Variants in PPFIBP1 observed in about 807,000 individuals in gnomAD.
The protein encoded by PPFIBP1 is liprin-beta-1.
Under a neutral mutation model 137.8 loss-of-function variants are expected in PPFIBP1, and 112 were observed. The observed-to-expected ratio is 0.81, with a 90% CI of 0.70 to 0.95. PPFIBP1 has a LOEUF of 0.95. PPFIBP1 is among the 40% of genes least tolerant of loss of function. PPFIBP1 has a pLI of 0.00. For missense variants in PPFIBP1, 1,083 were observed against 1,196.6 expected, an observed-to-expected ratio of 0.91 and a Z score of 1.40; for synonymous variants, 378 against 417.3, an observed-to-expected ratio of 0.91 and a Z score of 1.15.
intron 13 of PPFIBP1, among the ~76,000 whole-genome samples, chr12:27,671,122 G>GCC: frequency 6.6e-6 from 1 of 151,796 alleles, no homozygotes; most frequent in South Asian, 2.1e-4. Context: ...GGGCAACATA[G>GCC]CAAGACGCCG....
chr12:27,673,807 A>G lies in PPFIBP1; in HGVS notation c.1360A>G (p.Lys454Glu), dbSNP rs777816560. 6.2e-7 allele frequency: 1 copy of G among 1,613,696 alleles called. No individual in the cohort carries two copies. The highest frequency in any genetic ancestry group is 1.7e-5 in the Admixed American group (1 of 59,998). ...LQKSSSLGNL[K>E]KETSDGEKET... Reference sequence around the variant, plus strand: ...GAAGTCCAGCAGCCTGGGCAATCTGAAGAAAGAGACATCTGATGGGGTGGG... The same window carrying G: ...GAAGTCCAGCAGCCTGGGCAATCTGGAGAAAGAGACATCTGATGGGGTGGG... The change falls in exon 16 of 30, where the codon AAG becomes GAG. Residue 454 changes from lysine to glutamate, a missense_variant. Coordinates refer to ENST00000228425, the MANE Select transcript of PPFIBP1 (RefSeq NM_003622.4).
intron 6 of PPFIBP1, 200 bp downstream of exon 6, chr12:27,648,042 G>C (rs1565937033): frequency 1.7e-6 from 1 of 594,978 alleles, no homozygotes; most frequent in Non-Finnish European, 2.5e-6. Flanking sequence ...TTAGAATCTG[G>C]AACAAAATGT....
At chr12:27,556,534 G>C (rs565273932) in intron 1 of PPFIBP1, among the ~76,000 whole-genome samples, 1 of 152,168 alleles carries the variant, frequency 6.6e-6, no homozygotes, top group Admixed American at 6.5e-5. Flanking sequence ...ATAGGAATTA[G>C]GAATTCATGA....
Position 27,558,667 on chromosome 12 carries a change from G to A in PPFIBP1, c.-123-19485G>A, listed in dbSNP as rs139538906. Among the ~76,000 whole-genome samples, 269 of 151,838 alleles carry A rather than the reference G, an allele frequency of 1.8e-3. 3 individuals are homozygous for A. The South Asian group carries it at 0.033, about 18-fold the overall frequency. On this transcript the variant is annotated intron_variant, in intron 1 of 29. Transcript: ENST00000228425. ...GCCTAGAGTTAATTATAAATTATGCGTATGTTTGATCTTCAGCAAAGTGGA... is the reference window on the plus strand; with the variant it reads ...GCCTAGAGTTAATTATAAATTATGCATATGTTTGATCTTCAGCAAAGTGGA...
In PPFIBP1 at chr12:27,681,467, G is replaced by A. The variant is rs752965844; in HGVS notation, c.1896-79G>A. 6.8e-6 allele frequency: 10 copies of A among 1,475,808 alleles called. No homozygotes were observed. The Admixed American group carries it at 1.4e-4, about 21-fold the overall frequency. The allele number at this position is 1,475,808 out of a possible 1,614,324, so 91.4% of individuals were successfully genotyped here. On this transcript the variant is annotated intron_variant, in intron 21 of 29. Transcript: ENST00000228425. ...CAGGGAATTTCCATGTCTATTGAAT[G>A]TATAGTTGTTTAAAACTAATGATAA...
At chr12:27,538,808 G>C (rs1945333931) in intron 1 of PPFIBP1, among the ~76,000 whole-genome samples, 1 of 152,184 alleles carries the variant, frequency 6.6e-6, no homozygotes, top group African/African-American at 2.4e-5. Context: ...TGGATCTTGG[G>C]CTCTGGAGTT....
chr12:27,691,786 GA>G lies in PPFIBP1; in HGVS notation c.2726del (p.Lys909ArgfsTer45). On this transcript the variant is annotated frameshift_variant, in exon 28 of 30. Transcript: ENST00000228425. LOFTEE classifies it high-confidence loss of function. ...GCCTTTAGCAATTTTGGGAATTTGA[GA>G]AAGAAGAAACAGGAAGATGGTGAAG... Reference protein sequence around the residue: ...KLAFSNFGNLRKKKQEDGEEY... With the variant: ...KLAFSNFGNLXKKKQEDGEEY... The G allele has an allele frequency of 6.2e-7, 1 of 1,611,296 alleles. No homozygotes were observed. Among genetic ancestry groups the G allele is most frequent in the Non-Finnish European group, 8.5e-7 (1 of 1,179,050 alleles).
intron 24 of PPFIBP1, among the ~76,000 whole-genome samples, 165 bp from the exon 25 acceptor site, chr12:27,687,219 TG>T (rs1348813188): frequency 6.6e-6 from 1 of 152,154 alleles, no homozygotes; most frequent in Non-Finnish European, 1.5e-5. Flanking sequence ...ATCTGGGGTT[TG>T]GGGGAAGATT....
Position 27,692,911 on chromosome 12 carries a change from G to A in PPFIBP1, c.*29G>A. On this transcript the variant is annotated 3_prime_UTR_variant, in exon 30 of 30. Coordinates refer to ENST00000228425, the MANE Select transcript of PPFIBP1 (RefSeq NM_003622.4). ...TAGCACCTGGATGAACATTAGGAGT[G>A]CTTAGTCTTTTTTCTACTTGCTTTT... 6.2e-7 allele frequency: 1 copy of A among 1,612,838 alleles called. No homozygotes were observed. The highest frequency in any genetic ancestry group is 8.5e-7 in the Non-Finnish European group (1 of 1,179,536).
At chr12:27,578,664 T>C (rs546753338) in intron 2 of PPFIBP1, among the ~76,000 whole-genome samples, 403 of 152,348 alleles carry the variant, frequency 2.6e-3, no homozygotes, top group African/African-American at 8.9e-3. Context: ...TATTGGTTTC[T>C]CACAGGCATA....
intron 1 of PPFIBP1, among the ~76,000 whole-genome samples, chr12:27,558,495 CGATATTCTATATAGATCAAGAAATGTCTT>C (rs2048890894): frequency 9.0e-6 from 1 of 111,464 alleles, no homozygotes. Flanking sequence ...CACACACACA[CGATATTCTATATAGATCAAGAAATGTCTT>C]ACTTCTTTGT....
intron 2 of PPFIBP1, among the ~76,000 whole-genome samples, chr12:27,590,810 A>G (rs1285094656): frequency 6.6e-6 from 1 of 152,132 alleles, no homozygotes; most frequent in Non-Finnish European, 1.5e-5. Flanking sequence ...TATAGATTTT[A>G]AAAAATATCT....
At chr12:27,670,546 G>A (rs1045831861) in intron 13 of PPFIBP1, among the ~76,000 whole-genome samples, 3 of 152,124 alleles carry the variant, frequency 2.0e-5, no homozygotes, top group African/African-American at 7.2e-5. Flanking sequence ...GGAGGCTGAG[G>A]CAGGAGGACT....
chr12:27,684,864 C>T (rs1288734468), intron 24 of PPFIBP1, among the ~76,000 whole-genome samples: 2 of 152,084 alleles, frequency 1.3e-5, no homozygotes, highest in Admixed American at 1.3e-4. Context: ...TCAGCTTCCT[C>T]TAACGTTAAC....
intron 1 of PPFIBP1, chr12:27,548,517 A>G (rs2136149142): frequency 6.6e-6 from 1 of 152,348 alleles, no homozygotes; most frequent in Admixed American, 6.5e-5. Flanking sequence ...TGCACTGAAC[A>G]AATGTCTAAA....
rs1223053194 is a variant in PPFIBP1 at position 27,670,791 on chromosome 12, A to ATAATAATAAT, written c.1147-640_1147-639insTAATAATAAT. ...GAGACCCTGTCTCAAAAAAAAAAAAAAAAAATAATAATAATAATAATAATA... is the reference window on the plus strand; with the variant it reads ...GAGACCCTGTCTCAAAAAAAAAAAAATAATAATAATAAAAATAATAATAATAATAATAATA... On this transcript the variant is annotated intron_variant, in intron 13 of 29. Coordinates refer to ENST00000228425, the MANE Select transcript of PPFIBP1 (RefSeq NM_003622.4). Among the ~76,000 whole-genome samples the ATAATAATAAT allele has an allele frequency of 3.2e-3, 439 of 138,742 alleles. 1 individual carries two copies. The highest frequency in any genetic ancestry group is 4.0e-3 in the Non-Finnish European group (262 of 64,810). 91.0% of individuals were successfully genotyped at this position (138,742 alleles called of 152,430 possible). A position where few individuals can be genotyped will look rare whatever the true frequency, so the allele number is the denominator to read the frequency against.
chr12:27,686,164 A>G (rs2061190453), intron 24 of PPFIBP1, among the ~76,000 whole-genome samples: 1 of 152,218 alleles, frequency 6.6e-6, no homozygotes, highest in East Asian at 1.9e-4. Flanking sequence ...TTACTCCAGA[A>G]AAACTTCAGG....
intron 2 of PPFIBP1, among the ~76,000 whole-genome samples, chr12:27,598,806 A>G (rs1383555252): frequency 1.3e-5 from 2 of 152,220 alleles, no homozygotes; most frequent in African/African-American, 4.8e-5. Flanking sequence ...CTCATTAACA[A>G]TACGGCTCAT....
chr12:27,668,820 C>T (rs1317986738), intron 13 of PPFIBP1, among the ~76,000 whole-genome samples: 1 of 152,170 alleles, frequency 6.6e-6, no homozygotes, highest in African/African-American at 2.4e-5. Flanking sequence ...CTACTGTAAT[C>T]TTCCTAAGGT....
Sources: allele counts gnomAD v4.1 joint callset (sites outside exome capture counted in the v4.1 genomes callset), GRCh38; gene constraint gnomAD v4.1.1; transcripts MANE v1.5; gene names NCBI Gene and HGNC (gene_info 2026-07-23, HGNC 2026-07-21).